PPP2CA: variants seen among roughly 807,000 people sequenced by gnomAD.
PPP2CA encodes serine/threonine-protein phosphatase 2A catalytic subunit alpha isoform.
PPP2CA carries 5 observed loss-of-function variants against 38.8 expected under a neutral mutation model. The observed-to-expected ratio is 0.13, with a 90% CI of 0.07 to 0.27. PPP2CA has a LOEUF of 0.27. Among genes scored for constraint, PPP2CA ranks in the 10% least tolerant of loss-of-function variants. The pLI, the probability that PPP2CA is intolerant of heterozygous loss-of-function variation, is 1.00. For missense variants in PPP2CA, 88 were observed against 389.7 expected, an observed-to-expected ratio of 0.23 and a Z score of 6.52; for synonymous variants, 152 against 134.0, an observed-to-expected ratio of 1.13 and a Z score of -0.93.
intron 1 of PPP2CA, among the ~76,000 whole-genome samples, chr5:134,222,497 T>C (rs1762466932): frequency 6.6e-6 from 1 of 152,096 alleles, no homozygotes; most frequent in African/African-American, 2.4e-5. Context: ...TTATAGTGCT[T>C]GCAAAGCAAT....
chr5:134,200,138 G>A (rs1761942653), intron 5 of PPP2CA, among the ~76,000 whole-genome samples, 197 bp downstream of exon 5: 1 of 152,052 alleles, frequency 6.6e-6, no homozygotes, highest in Admixed American at 6.6e-5. Flanking sequence ...ACATGTTAAT[G>A]GATTCATTGT....
At chr5:134,222,184 G>A (rs930083703) in intron 1 of PPP2CA, among the ~76,000 whole-genome samples, 2 of 151,900 alleles carry the variant, frequency 1.3e-5, no homozygotes, top group Non-Finnish European at 2.9e-5. Context: ...CTGAGTCTTT[G>A]AGTTGCATCT....
chr5:134,224,397 T>A (rs549893384), intron 1 of PPP2CA: 40 of 412,268 alleles, frequency 9.7e-5, no homozygotes, highest in African/African-American at 7.7e-4. Context: ...TAAATCTGAC[T>A]TACTTAAATT....
chr5:134,199,144 A>G lies in PPP2CA; in HGVS notation c.799T>C (p.Tyr267His). Residue 267 changes from tyrosine to histidine, a missense_variant, in exon 6 of 7, where the codon TAT (tyrosine) becomes CAT (histidine). Physicochemically the swap from Tyr to His is moderately conservative, Grantham distance 83. Coordinates refer to ENST00000481195, the MANE Select transcript of PPP2CA (RefSeq NM_002715.4). ...ATTGCAGCTTGGTTACCACAACGAT[A>G]ACAATAGTTTGGAGCACTGAAAATC... ...VTIFSAPNYC[Y>H]RCGNQAAIME... The G allele has an allele frequency of 6.2e-7, 1 of 1,614,176 alleles. No individual in the cohort carries two copies. Among genetic ancestry groups the G allele is most frequent in the Non-Finnish European group, 8.5e-7 (1 of 1,179,982 alleles).
chr5:134,219,581 G>A (rs1022690658), intron 1 of PPP2CA, among the ~76,000 whole-genome samples: 1 of 152,176 alleles, frequency 6.6e-6, no homozygotes, highest in African/African-American at 2.4e-5. Flanking sequence ...AAGAGGGACT[G>A]GCCAACTGGT....
chr5:134,225,932 G>T lies in PPP2CA; in HGVS notation c.-71C>A. 1 of 1,378,584 alleles carries T rather than the reference G, an allele frequency of 7.3e-7. No individual in the cohort carries two copies. The allele number at this position is 1,378,584 out of a possible 1,614,324, so 85.4% of individuals were successfully genotyped here. ...CCGCCGCCCGCACACGGGCCTACAC[G>T]CACACGCCGCCGCCGGTTCCTCGTG... On this transcript the variant is annotated 5_prime_UTR_variant, in exon 1 of 7. Coordinates refer to ENST00000481195, the MANE Select transcript of PPP2CA (RefSeq NM_002715.4).
intron 1 of PPP2CA, among the ~76,000 whole-genome samples, chr5:134,214,701 G>C (rs1435013380): frequency 6.6e-6 from 1 of 152,142 alleles, no homozygotes; most frequent in Non-Finnish European, 1.5e-5. Flanking sequence ...TTAAGAGCTA[G>C]ATGATGTTCT....
At chr5:134,221,783 A>G (rs556949664) in intron 1 of PPP2CA, among the ~76,000 whole-genome samples, 89 of 152,140 alleles carry the variant, frequency 5.8e-4, no homozygotes, top group African/African-American at 2.1e-3. Context: ...TAGCCTGGCC[A>G]ACATGGTGAA....
intron 2 of PPP2CA, among the ~76,000 whole-genome samples, chr5:134,202,911 C>A (rs1761999959): frequency 6.6e-6 from 1 of 152,184 alleles, no homozygotes; most frequent in Non-Finnish European, 1.5e-5. Context: ...CTGATTACAG[C>A]CATTCTAATA....
intron 1 of PPP2CA, among the ~76,000 whole-genome samples, chr5:134,222,523 T>C (rs903390958): frequency 6.0e-5 from 9 of 150,506 alleles, no homozygotes; most frequent in African/African-American, 2.2e-4. Context: ...ACAGCATACC[T>C]AGGTAAAGAA....
intron 1 of PPP2CA, among the ~76,000 whole-genome samples, chr5:134,213,405 C>T (rs1484887623): frequency 7.3e-6 from 1 of 136,350 alleles, no homozygotes; most frequent in African/African-American, 2.8e-5. Context: ...ATTACTGAGA[C>T]CTACTGCTCA....
intron 1 of PPP2CA, among the ~76,000 whole-genome samples, chr5:134,223,449 T>A (rs1762490891): frequency 6.6e-6 from 1 of 152,254 alleles, no homozygotes; most frequent in East Asian, 1.9e-4. Context: ...AAATACTTAC[T>A]TACCAGTTAT....
intron 1 of PPP2CA, among the ~76,000 whole-genome samples, chr5:134,215,395 C>A (rs1352536237): frequency 6.6e-6 from 1 of 151,898 alleles, no homozygotes; most frequent in African/African-American, 2.4e-5. Flanking sequence ...AGTGGTGAAA[C>A]CCCATCTCTA....
At chr5:134,212,347 T>C (rs1762221083) in intron 1 of PPP2CA, among the ~76,000 whole-genome samples, 1 of 152,222 alleles carries the variant, frequency 6.6e-6, no homozygotes, top group African/African-American at 2.4e-5. Flanking sequence ...TTCATTACTA[T>C]TGTATCTGTT....
At chr5:134,211,990 G>A (rs1209378025) in intron 1 of PPP2CA, among the ~76,000 whole-genome samples, 1 of 152,032 alleles carries the variant, frequency 6.6e-6, no homozygotes, top group Non-Finnish European at 1.5e-5. Context: ...CGTGGTGGCA[G>A]GCACCTGTAA....
chr5:134,199,318 A>G (rs1318688058), intron 5 of PPP2CA, 114 bp from the exon 6 acceptor site: 1 of 732,748 alleles, frequency 1.4e-6, no homozygotes, highest in East Asian at 2.5e-5. Flanking sequence ...AAAGGGGCTT[A>G]AGAAATGTTA....
chr5:134,221,363 G>A (rs1561744214), intron 1 of PPP2CA, among the ~76,000 whole-genome samples: 1 of 152,124 alleles, frequency 6.6e-6, no homozygotes, highest in Non-Finnish European at 1.5e-5. Flanking sequence ...TCCGCCTGCC[G>A]TGGCCTTCCA....
chr5:134,216,209 G>A (rs1387099665), intron 1 of PPP2CA, among the ~76,000 whole-genome samples: 1 of 152,140 alleles, frequency 6.6e-6, no homozygotes, highest in Admixed American at 6.6e-5. Flanking sequence ...AAGGGATCAT[G>A]ATGTAACTAA....
At chr5:134,201,184 G>A in intron 3 of PPP2CA, 110 bp from the exon 4 acceptor site, 1 of 783,504 alleles carries the variant, frequency 1.3e-6, no homozygotes, top group South Asian at 1.6e-5. Flanking sequence ...AGCTGAGGCA[G>A]GAGGGCTGCT....
Sources: gnomAD v4.1 joint callset for allele counts (sites outside exome capture counted in the v4.1 genomes callset) on GRCh38, gnomAD v4.1.1 for gene constraint, MANE v1.5 for transcripts, NCBI Gene and HGNC (gene_info 2026-07-23, HGNC 2026-07-21) for gene names.